Variants in ATAD2 observed in about 807,000 individuals in gnomAD.
ATAD2 encodes ATPase family AAA domain-containing protein 2.
ATAD2 carries 62 observed loss-of-function variants against 168.9 expected under a neutral mutation model. That is an observed-to-expected ratio of 0.37 (90% confidence interval 0.30 to 0.45). ATAD2 has a LOEUF of 0.45. Ranked by LOEUF, ATAD2 falls within the 20% of genes least tolerant of loss-of-function variation. The probability of loss-of-function intolerance (pLI) is 1.00; values close to 1 mark genes in which losing one functional copy is unlikely to be tolerated. For missense variants in ATAD2, 1,419 were observed against 1,667.8 expected (o/e 0.85, Z 2.60); for synonymous variants, 613 against 571.6 (o/e 1.07, Z -1.03).
intron 13 of ATAD2, among the ~76,000 whole-genome samples, chr8:123,355,073 C>T (rs994307643): frequency 1.3e-5 from 2 of 151,352 alleles, no homozygotes; most frequent in Non-Finnish European, 2.9e-5. Flanking sequence ...TAATGAAATG[C>T]GTCACATATA....
At chr8:123,411,027 C>G (rs1423509850) in intron 1 of ATAD2, among the ~76,000 whole-genome samples, 1 of 152,150 alleles carries the variant, frequency 6.6e-6, no homozygotes, top group East Asian at 1.9e-4. Context: ...GCCCAAGATT[C>G]CATTCCTTGG....
intron 8 of ATAD2, among the ~76,000 whole-genome samples, chr8:123,367,205 G>A (rs896701833): frequency 6.6e-6 from 1 of 152,068 alleles, no homozygotes; most frequent in Non-Finnish European, 1.5e-5. Flanking sequence ...CCTGAGGTCA[G>A]GAATTTGAGA....
At chr8:123,406,399 A>C (rs1301276266) in intron 1 of ATAD2, among the ~76,000 whole-genome samples, 2 of 150,778 alleles carry the variant, frequency 1.3e-5, no homozygotes, top group South Asian at 2.1e-4. Flanking sequence ...AAAAAAAAAA[A>C]ATAGTTTTAA....
upstream of ATAD2, chr8:123,401,427 A>G (rs1230461947): frequency 4.3e-6 from 6 of 1,396,474 alleles, no homozygotes; most frequent in African/African-American, 4.2e-5. Context: ...ATCAACTGCC[A>G]TGGTGTATTA....
At chr8:123,343,675 C>T (rs1165265595) in intron 19 of ATAD2, among the ~76,000 whole-genome samples, 3 of 152,110 alleles carry the variant, frequency 2.0e-5, no homozygotes, top group African/African-American at 7.2e-5. Flanking sequence ...GCTCTATGGA[C>T]ACAAAGGTGA....
chr8:123,371,181 A>AC, intron 5 of ATAD2, 55 bp downstream of exon 5: 2 of 1,395,282 alleles, frequency 1.4e-6, no homozygotes, highest in Admixed American at 4.2e-5. Flanking sequence ...ATTAGGTACT[A>AC]TAAAAAAATT....
At chr8:123,385,923 T>A in intron 1 of ATAD2, among the ~76,000 whole-genome samples, 1 of 144,090 alleles carries the variant, frequency 6.9e-6, no homozygotes. Context: ...AAATAGCCAA[T>A]AAACACATGA....
intron 1 of ATAD2, among the ~76,000 whole-genome samples, chr8:123,414,119 A>C (rs1384052985): frequency 1.4e-5 from 2 of 141,388 alleles, no homozygotes; most frequent in Non-Finnish European, 3.1e-5. Context: ...AAAAAAAAAA[A>C]AGTATAGGGT....
Position 123,396,412 on chromosome 8 carries a change from C to T in ATAD2, c.-55G>A. On this transcript the variant is annotated 5_prime_UTR_variant, in exon 1 of 28. Coordinates refer to ENST00000287394, the MANE Select transcript of ATAD2 (RefSeq NM_014109.4). ...GACCGGAGAGAGATCCAGCTCCAGGCGCTCGCAGCTCTGGCTCTTCCGCGC... is the reference window on the plus strand; with the variant it reads ...GACCGGAGAGAGATCCAGCTCCAGGTGCTCGCAGCTCTGGCTCTTCCGCGC... The T allele has an allele frequency of 9.6e-6, 14 of 1,464,664 alleles. No homozygotes were observed. The highest frequency in any genetic ancestry group is 4.0e-5 in the South Asian group (3 of 74,746). 90.7% of individuals were successfully genotyped at this position (1,464,664 alleles called of 1,614,324 possible).
intron 15 of ATAD2, 116 bp from the exon 16 acceptor site, chr8:123,347,522 T>A: frequency 9.6e-7 from 1 of 1,044,914 alleles, no homozygotes; most frequent in Non-Finnish European, 1.3e-6. Context: ...GGAATATAGT[T>A]AGCAAATATT....
chr8:123,341,853 G>A (rs182898789), intron 19 of ATAD2, among the ~76,000 whole-genome samples: 52 of 152,238 alleles, frequency 3.4e-4, no homozygotes, highest in Middle Eastern at 3.4e-3. Context: ...AAAACAGGCC[G>A]AGCACAGTGG....
chr8:123,406,677 C>G (rs1003572804), intron 1 of ATAD2, among the ~76,000 whole-genome samples: 13 of 151,584 alleles, frequency 8.6e-5, no homozygotes, highest in African/African-American at 3.2e-4. Flanking sequence ...ATTAGCCGGG[C>G]GTTGTGGTGC....
intron 8 of ATAD2, among the ~76,000 whole-genome samples, chr8:123,365,435 A>G (rs1427045037): frequency 6.6e-6 from 1 of 152,172 alleles, no homozygotes; most frequent in East Asian, 1.9e-4. Context: ...AACAATCCTA[A>G]AATTCATATG....
intron 27 of ATAD2, 81 bp downstream of exon 27, chr8:123,322,857 A>G: frequency 2.8e-6 from 4 of 1,419,308 alleles, no homozygotes; most frequent in African/African-American, 1.4e-5. Flanking sequence ...CAGATTAAAT[A>G]AAGCCTCAAC....
rs1160545977 is a variant in ATAD2 at position 123,323,050 on chromosome 8, A to G, written c.4019T>C (p.Val1340Ala). Residue 1340 changes from valine to alanine, a missense_variant, in exon 27 of 28, where the codon GTT becomes GCT. By Grantham distance (64) the Val-to-Ala change is moderately conservative (BLOSUM62 0). This residue lies in a region of ATAD2 where 303 missense variants were observed against 304.3 expected (regional missense o/e 1.00). Transcript: ENST00000287394. Reference protein sequence around the residue: ...HERLKNLLKTVVKKSQNYNIF... With the variant: ...HERLKNLLKTAVKKSQNYNIF... ...GTTGTAGTTTTGACTTTTTTTAACA[A>G]CAGTCTTCAAAAGATTCTAAAAGAA... The G allele has an allele frequency of 6.4e-5, 103 of 1,611,124 alleles. No homozygotes were observed. The East Asian group carries it at 2.3e-3, about 35-fold the overall frequency.
chr8:123,376,196 A>T (rs903859529), intron 2 of ATAD2, among the ~76,000 whole-genome samples: 1 of 151,974 alleles, frequency 6.6e-6, no homozygotes, highest in Non-Finnish European at 1.5e-5. Context: ...GCCTGAGGTC[A>T]GGAGTTCGAG....
At position 123,361,554 on chromosome 8, in the gene ATAD2, T is replaced by C; in HGVS notation, c.1142A>G (p.Asn381Ser). ...HFERRRKRSR[N>S]RAINRCLPLN... ...TGGCACTTACCTATTGATAGCCCTA[T>C]TACGACTCCTTTTCCTCCGCCTCTC... Residue 381 changes from asparagine to serine, a missense_variant, in exon 9 of 28, where the codon AAT becomes AGT. By Grantham distance (46) the Asn-to-Ser change is conservative. This residue lies in a region of ATAD2 where 146 missense variants were observed against 188.3 expected (regional missense o/e 0.78). Coordinates refer to ENST00000287394, the MANE Select transcript of ATAD2 (RefSeq NM_014109.4). 1 of 1,613,206 alleles carries C rather than the reference T, an allele frequency of 6.2e-7. No homozygotes were observed. Among genetic ancestry groups the C allele is most frequent in the Non-Finnish European group, 8.5e-7 (1 of 1,179,310 alleles).
At chr8:123,386,670 T>C (rs964624002) in intron 1 of ATAD2, among the ~76,000 whole-genome samples, 4 of 152,158 alleles carry the variant, frequency 2.6e-5, no homozygotes, top group African/African-American at 9.7e-5. Flanking sequence ...TTATGTTATG[T>C]ATATTTTGGT....
At chr8:123,337,852 C>T (rs759898233) in intron 20 of ATAD2, 31 bp from the exon 21 acceptor site, 45 of 1,555,888 alleles carry the variant, frequency 2.9e-5, no homozygotes, top group Non-Finnish European at 3.7e-5. Flanking sequence ...TTAGTTACTG[C>T]TCCTCCATAA....
Sources: gnomAD v4.1 joint callset for allele counts (sites outside exome capture counted in the v4.1 genomes callset) on GRCh38, gnomAD v4.1.1 for gene constraint, gnomAD v4.1.1 regional missense constraint, MANE v1.5 for transcripts, NCBI Gene and HGNC (gene_info 2026-07-23, HGNC 2026-07-21) for gene names.